The following RASA1 variants were observed in gnomAD, a reference collection of about 807,000 sequenced individuals.
RASA1 encodes the protein ras GTPase-activating protein 1.
RASA1 carries 25 observed loss-of-function variants against 132.2 expected under a neutral mutation model. The ratio of observed to expected loss-of-function variants is 0.19; its 90% CI spans 0.14 to 0.26. The LOEUF (loss-of-function observed/expected upper bound fraction) is 0.26. Ranked by LOEUF, RASA1 falls within the 10% of genes least tolerant of loss-of-function variation. The pLI is 1.00. For synonymous variants in RASA1, 477 were observed against 449.9 expected, an observed-to-expected ratio of 1.06 and a Z score of -0.76; for missense variants, 964 against 1,299.2, an observed-to-expected ratio of 0.74 and a Z score of 3.97.
chr5:87,388,980 G>GA (rs1264835459), intron 23 of RASA1, among the ~76,000 whole-genome samples: 1 of 151,896 alleles, frequency 6.6e-6, no homozygotes, highest in East Asian at 1.9e-4. Flanking sequence ...TCATGCTACG[G>GA]AAAAAAATGG....
intron 1 of RASA1, among the ~76,000 whole-genome samples, chr5:87,325,054 A>G (rs1205253999): frequency 6.6e-6 from 1 of 152,154 alleles, no homozygotes; most frequent in Non-Finnish European, 1.5e-5. Flanking sequence ...AAGAGGCTTA[A>G]TTGACTCATA....
intron 15 of RASA1, among the ~76,000 whole-genome samples, chr5:87,375,921 C>T (rs1038331553): frequency 6.6e-6 from 1 of 152,162 alleles, no homozygotes; most frequent in African/African-American, 2.4e-5. Flanking sequence ...TGACACAGAA[C>T]GAAGGCCATA....
intron 1 of RASA1, among the ~76,000 whole-genome samples, chr5:87,315,556 T>TA (rs571309857): frequency 1.3e-4 from 20 of 152,210 alleles, no homozygotes; most frequent in Non-Finnish European, 2.6e-4. Context: ...AGCTTCCTTT[T>TA]AAAAAAATCT....
intron 7 of RASA1, among the ~76,000 whole-genome samples, chr5:87,347,834 T>C (rs1368313992): frequency 6.6e-6 from 1 of 152,044 alleles, no homozygotes; most frequent in Non-Finnish European, 1.5e-5. Flanking sequence ...TTAGTGAATT[T>C]ATTGAATTTT....
intron 8 of RASA1, among the ~76,000 whole-genome samples, chr5:87,351,416 G>A (rs1268558161): frequency 1.3e-5 from 2 of 151,716 alleles, no homozygotes; most frequent in Admixed American, 6.6e-5. Flanking sequence ...AGTTCAGTGG[G>A]GGGTGAGAAG....
At chr5:87,367,866 C>G (rs1760640725) in intron 11 of RASA1, among the ~76,000 whole-genome samples, 1 of 151,962 alleles carries the variant, frequency 6.6e-6, no homozygotes, top group Admixed American at 6.6e-5. Context: ...GGTAATGTAT[C>G]TTTGTCTTTT....
chr5:87,349,434 CAG>C (rs1759100720), intron 8 of RASA1, 70 bp downstream of exon 8: 3 of 1,528,940 alleles, frequency 2.0e-6, no homozygotes, highest in Admixed American at 1.8e-5. Context: ...ATACAGTATT[CAG>C]AGTCAAAATT....
chr5:87,336,389 T>G (rs996154644), intron 4 of RASA1, among the ~76,000 whole-genome samples: 3 of 152,102 alleles, frequency 2.0e-5, no homozygotes, highest in African/African-American at 7.2e-5. Context: ...AAATAGCTGA[T>G]CTAGGAAGAT....
chr5:87,292,230 A>T (rs556265190), intron 1 of RASA1, among the ~76,000 whole-genome samples: 2 of 152,246 alleles, frequency 1.3e-5, no homozygotes, highest in Non-Finnish European at 2.9e-5. Context: ...GTGTCTGAGA[A>T]GGCATCACCA....
intron 1 of RASA1, chr5:87,299,563 A>G (rs1328995973): frequency 6.6e-6 from 1 of 152,136 alleles, no homozygotes; most frequent in Non-Finnish European, 1.5e-5. Flanking sequence ...TACACAACAT[A>G]ATGTTTTGAT....
intron 8 of RASA1, among the ~76,000 whole-genome samples, chr5:87,352,319 T>C (rs28446052): frequency 4.2e-5 from 6 of 144,356 alleles, no homozygotes; most frequent in South Asian, 2.3e-4. Flanking sequence ...CACACACACA[T>C]ATATATTCTA....
chr5:87,310,440 T>A (rs1368243012), intron 1 of RASA1, among the ~76,000 whole-genome samples: 1 of 152,162 alleles, frequency 6.6e-6, no homozygotes. Flanking sequence ...ACTTATTTCC[T>A]GAGTTATTTT....
At chr5:87,353,925 G>T (rs899530353) in intron 9 of RASA1, among the ~76,000 whole-genome samples, 1 of 152,092 alleles carries the variant, frequency 6.6e-6, no homozygotes, top group Non-Finnish European at 1.5e-5. Context: ...TATAACAGGG[G>T]TTAGAAAAAG....
At chr5:87,363,703 T>G (rs1259372703) in intron 11 of RASA1, among the ~76,000 whole-genome samples, 199 bp downstream of exon 11, 1 of 152,052 alleles carries the variant, frequency 6.6e-6, no homozygotes, top group East Asian at 1.9e-4. Flanking sequence ...ACAGAAATCT[T>G]TGGCATGACA....
Position 87,269,184 on chromosome 5 carries a change from C to T in RASA1, c.539+194C>T, listed in dbSNP as rs1321436672. The T allele has an allele frequency of 3.1e-6, 5 of 1,603,886 alleles. No individual in the cohort carries two copies. The African/African-American group carries it at 6.7e-5, about 21-fold the overall frequency. On this transcript the variant is annotated intron_variant, in intron 1 of 24. Coordinates refer to ENST00000274376, the MANE Select transcript of RASA1 (RefSeq NM_002890.3). ...AGGCATACTACCTGGCGTCTTCCTA[C>T]ATTTATTGCTCCTCTGGGAAAGTGT...
At chr5:87,363,281 A>G (rs575861840) in intron 10 of RASA1, 67 bp from the exon 11 acceptor site, 6 of 1,353,154 alleles carry the variant, frequency 4.4e-6, no homozygotes, top group African/African-American at 2.9e-5. Flanking sequence ...TAGAAACACT[A>G]ATTTTAATAA....
chr5:87,301,358 AAC>A lies in RASA1; in HGVS notation c.540-29986_540-29985del, dbSNP rs539570630. 2.5e-3 allele frequency among the ~76,000 whole-genome samples: 378 copies of A among 152,238 alleles called. 1 individual carries two copies. The highest frequency in any genetic ancestry group is 8.6e-3 in the African/African-American group (356 of 41,530). ...TTGGGTATACTTTTTCTTGAAGTATAACACATATAAAGCATAGTATCTTCAGT... is the reference window on the plus strand; with the variant it reads ...TTGGGTATACTTTTTCTTGAAGTATAACATATAAAGCATAGTATCTTCAGT... On this transcript the variant is annotated intron_variant, in intron 1 of 24. Transcript: ENST00000274376.
intron 1 of RASA1, chr5:87,299,902 T>C (rs1755285319): frequency 6.6e-6 from 1 of 152,172 alleles, no homozygotes; most frequent in South Asian, 2.1e-4. Context: ...TATATAGATG[T>C]TGAAAGAATA....
At chr5:87,286,846 T>TATATACACCATATAC (rs1299190250) in intron 1 of RASA1, among the ~76,000 whole-genome samples, 1 of 150,632 alleles carries the variant, frequency 6.6e-6, no homozygotes, top group East Asian at 1.9e-4. Flanking sequence ...ATACCATATA[T>TATATACACCATATAC]ATATACACCA....
Sources: gnomAD v4.1 joint callset for allele counts (sites outside exome capture counted in the v4.1 genomes callset) on GRCh38, gnomAD v4.1.1 for gene constraint, MANE v1.5 for transcripts, NCBI Gene and HGNC (gene_info 2026-07-23, HGNC 2026-07-21) for gene names.